The following PDS5B variants were observed in gnomAD, a reference collection of about 807,000 sequenced individuals.
PDS5B encodes the protein sister chromatid cohesion protein PDS5 homolog B.
In PDS5B, 51 loss-of-function variants were observed where a neutral mutation model predicts 184.1. That is an observed-to-expected ratio of 0.28 (90% CI 0.22 to 0.35). PDS5B has a LOEUF of 0.35. Among genes scored for constraint, PDS5B ranks in the 10% least tolerant of loss-of-function variants. The pLI is 1.00. For missense variants in PDS5B, 1,180 were observed against 1,723.3 expected (o/e 0.68, Z 5.58); for synonymous variants, 566 against 569.2 (o/e 0.99, Z 0.08).
intron 10 of PDS5B, among the ~76,000 whole-genome samples, chr13:32,681,050 G>A (rs1328647738): frequency 6.6e-6 from 1 of 152,134 alleles, no homozygotes; most frequent in Non-Finnish European, 1.5e-5. Context: ...GTAGGAGAGA[G>A]GCAGTGCTGG....
At chr13:32,660,522 G>A (rs1252898377) in intron 6 of PDS5B, among the ~76,000 whole-genome samples, 1 of 152,098 alleles carries the variant, frequency 6.6e-6, no homozygotes, top group African/African-American at 2.4e-5. Context: ...GGCTGTGCCT[G>A]ACTGGACTCT....
At chr13:32,697,766 A>G (rs1007074389) in intron 15 of PDS5B, among the ~76,000 whole-genome samples, 6 of 152,320 alleles carry the variant, frequency 3.9e-5, no homozygotes, top group African/African-American at 1.4e-4. Flanking sequence ...GCTGGAGTGC[A>G]GTGGCACAAT....
At chr13:32,767,463 C>A (rs1954620755) in intron 31 of PDS5B, among the ~76,000 whole-genome samples, 1 of 152,040 alleles carries the variant, frequency 6.6e-6, no homozygotes, top group Non-Finnish European at 1.5e-5. Context: ...AAAATCTATC[C>A]CTACCTATGT....
At chr13:32,620,868 G>C (rs924497904) in intron 1 of PDS5B, among the ~76,000 whole-genome samples, 6 of 152,070 alleles carry the variant, frequency 3.9e-5, no homozygotes, top group Non-Finnish European at 5.9e-5. Context: ...TTTCTATCTG[G>C]TGATGTGGTG....
chr13:32,637,439 G>A (rs1191405289), intron 1 of PDS5B, among the ~76,000 whole-genome samples: 1 of 152,098 alleles, frequency 6.6e-6, no homozygotes, highest in South Asian at 2.1e-4. Context: ...AAAATTGGGA[G>A]ACATTTTGTT....
rs766697845 is a variant in PDS5B at position 32,770,494 on chromosome 13, A to C, written c.3998A>C (p.Gln1333Pro). The C allele has an allele frequency of 6.2e-7, 1 of 1,611,926 alleles. No homozygotes were observed. The highest frequency in any genetic ancestry group is 1.7e-4 in the Middle Eastern group (1 of 6,048). Residue 1333 changes from glutamine (Q) to proline (P), a missense_variant, in exon 32 of 35, where the codon CAA becomes CCA. Physicochemically the swap from Gln to Pro is moderately conservative, Grantham distance 76. This residue lies in a region of PDS5B where 465 missense variants were observed against 497.8 expected (regional missense o/e 0.93). Transcript: ENST00000315596. ...APEEEEEEER[Q>P]SGNTEQKSKS... ...GAGGAGGAGGAAGAAGAAGAAAGAC[A>C]AAGTGGAAATACGGAACAGAAGTCC...
chr13:32,716,347 G>A (rs1485650866), intron 19 of PDS5B, among the ~76,000 whole-genome samples: 1 of 151,966 alleles, frequency 6.6e-6, no homozygotes, highest in Non-Finnish European at 1.5e-5. Flanking sequence ...CCCCTGCCCG[G>A]CTGCGACCCC....
intron 13 of PDS5B, among the ~76,000 whole-genome samples, chr13:32,692,414 C>CT (rs1593440334): frequency 0.018 from 1,251 of 69,134 alleles, 369 homozygotes; most frequent in African/African-American, 0.051. Context: ...GTCCAAAAAG[C>CT]CTTTTTTTTT....
intron 17 of PDS5B, 141 bp from the exon 18 acceptor site, chr13:32,706,793 A>G: frequency 2.2e-6 from 1 of 448,618 alleles, no homozygotes; most frequent in East Asian, 3.5e-5. Flanking sequence ...GTTTTGCAGT[A>G]GTGTTAAAAA....
intron 1 of PDS5B, among the ~76,000 whole-genome samples, chr13:32,630,718 T>A (rs2058440956): frequency 6.6e-6 from 1 of 152,152 alleles, no homozygotes; most frequent in Non-Finnish European, 1.5e-5. Context: ...CTTTTTCAGG[T>A]TTCCACTCAA....
chr13:32,688,140 A>T (rs9596072), intron 12 of PDS5B, among the ~76,000 whole-genome samples: 1,897 of 149,736 alleles, frequency 0.013, 40 homozygotes, highest in African/African-American at 0.043. Context: ...AGAACTTGGC[A>T]TTTGAAAGGA....
At chr13:32,686,143 A>G (rs1241590189) in intron 11 of PDS5B, among the ~76,000 whole-genome samples, 11 of 152,244 alleles carry the variant, frequency 7.2e-5, no homozygotes, top group Non-Finnish European at 1.2e-4. Flanking sequence ...GATGTTTTCA[A>G]CATTACCAGC....
intron 24 of PDS5B, among the ~76,000 whole-genome samples, chr13:32,751,552 C>G (rs1953981299): frequency 6.6e-6 from 1 of 152,190 alleles, no homozygotes. Context: ...AATGGCCGTT[C>G]TGACTGGTAT....
chr13:32,729,830 C>G (rs1275217685), intron 19 of PDS5B, among the ~76,000 whole-genome samples: 1 of 151,398 alleles, frequency 6.6e-6, no homozygotes, highest in Non-Finnish European at 1.5e-5. Flanking sequence ...CTTGTAGATT[C>G]TGGATATTAG....
At chr13:32,596,836 T>A (rs2057881114) in intron 1 of PDS5B, among the ~76,000 whole-genome samples, 1 of 152,138 alleles carries the variant, frequency 6.6e-6, no homozygotes, top group Non-Finnish European at 1.5e-5. Context: ...AAATGGATTA[T>A]CTTTTTACTA....
chr13:32,651,833 C>T lies in PDS5B; in HGVS notation c.138C>T (p.Asp46=), dbSNP rs1950374272. 9 of 1,612,018 alleles carry T rather than the reference C, an allele frequency of 5.6e-6. No homozygotes were observed. Among genetic ancestry groups the T allele is most frequent in the Non-Finnish European group, 7.6e-6 (9 of 1,178,312 alleles). The change falls in exon 3 of 35, where the codon GAC becomes GAT. Residue 46 remains aspartate, a synonymous_variant. Coordinates refer to ENST00000315596, the MANE Select transcript of PDS5B (RefSeq NM_015032.4). ...TTGTGAAAACTTTTATGGATATGGA[C>T]CAGGACTCTGAAGAAGAAAAGGAGC... ...KMVVKTFMDM[D]QDSEEEKELY...
chr13:32,753,072 T>G (rs527521679), intron 24 of PDS5B, among the ~76,000 whole-genome samples: 2 of 152,214 alleles, frequency 1.3e-5, no homozygotes, highest in Non-Finnish European at 2.9e-5. Context: ...TAGGGCAGAT[T>G]TATATTTACT....
chr13:32,664,960 A>G (rs1950746118), intron 6 of PDS5B, among the ~76,000 whole-genome samples: 2 of 152,238 alleles, frequency 1.3e-5, no homozygotes, highest in Admixed American at 6.5e-5. Context: ...ATAATAGCCA[A>G]ACAGTTTTGA....
At chr13:32,721,845 T>G (rs12872100) in intron 19 of PDS5B, among the ~76,000 whole-genome samples, 1 of 100,868 alleles carries the variant, frequency 9.9e-6, no homozygotes, top group Middle Eastern at 7.0e-3. Flanking sequence ...GGATGACGGC[T>G]GGGAAGAGGC....
Sources: allele counts gnomAD v4.1 joint callset (sites outside exome capture counted in the v4.1 genomes callset), GRCh38; gene constraint gnomAD v4.1.1; regional missense constraint gnomAD v4.1.1; transcripts MANE v1.5; gene names NCBI Gene and HGNC (gene_info 2026-07-23, HGNC 2026-07-21).